SI: variants seen among roughly 807,000 people sequenced by gnomAD.
SI encodes the protein sucrase-isomaltase, also known as sucrase-isomaltase, intestinal.
A neutral mutation model predicts 253.3 loss-of-function variants in SI; 235 were observed. That is an observed-to-expected ratio of 0.93 (90% confidence interval 0.83 to 1.03). The LOEUF (loss-of-function observed/expected upper bound fraction) is 1.03, where lower values mean the gene tolerates loss of function less well. SI is among the 50% of genes least tolerant of loss of function. SI has a pLI of 0.00. For missense variants in SI, 2,442 were observed against 2,211.1 expected (o/e 1.10, Z -2.09); for synonymous variants, 819 against 712.0 (o/e 1.15, Z -2.39).
At chr3:165,044,991 T>C (rs186353042) in intron 16 of SI, among the ~76,000 whole-genome samples, 19 of 152,188 alleles carry the variant, frequency 1.2e-4, no homozygotes, top group Admixed American at 1.2e-3. Context: ...TCCATATAAA[T>C]AGTTGATACT....
At chr3:165,075,337 G>A (rs1714884553) in intron 2 of SI, among the ~76,000 whole-genome samples, 1 of 151,876 alleles carries the variant, frequency 6.6e-6, no homozygotes, top group South Asian at 2.1e-4. Context: ...GCTCAAGAGA[G>A]AATAATGAAG....
intron 40 of SI, among the ~76,000 whole-genome samples, chr3:164,994,752 C>T (rs1717933164): frequency 6.6e-6 from 1 of 151,544 alleles, no homozygotes; most frequent in Non-Finnish European, 1.5e-5. Context: ...AAATGATAGG[C>T]TATCCAAAGT....
Position 164,987,218 on chromosome 3 carries a change from T to G in SI, c.5117A>C (p.Lys1706Thr). The part of the protein sequence containing the change: ...PAQNTFYSRQ[K>T]HMKLIVAADD... ...TGCAGCAACAATGAGCTTCATGTGT[T>G]TTTGTCGACTATAAGAAAGAAATAT... The change falls in exon 45 of 48, where the codon AAA (lysine) becomes ACA (threonine). Residue 1706 changes from lysine to threonine, a missense_variant. Coordinates refer to ENST00000264382, the MANE Select transcript of SI (RefSeq NM_001041.4). 6.2e-7 allele frequency: 1 copy of G among 1,613,136 alleles called. No individual in the cohort carries two copies. The highest frequency in any genetic ancestry group is 8.5e-7 in the Non-Finnish European group (1 of 1,179,278).
At chr3:165,063,362 A>G in intron 8 of SI, 80 bp downstream of exon 8, 1 of 719,850 alleles carries the variant, frequency 1.4e-6, no homozygotes, top group South Asian at 1.6e-5. Context: ...CACATACAAT[A>G]TGAATGATTG....
intron 24 of SI, among the ~76,000 whole-genome samples, chr3:165,031,408 A>G (rs951025982): frequency 2.0e-5 from 3 of 148,574 alleles, no homozygotes; most frequent in African/African-American, 7.3e-5. Context: ...ATAGCCACAG[A>G]TAGACCTTTA....
At chr3:165,031,471 CTA>C (rs1176459251) in intron 24 of SI, among the ~76,000 whole-genome samples, 1 of 149,260 alleles carries the variant, frequency 6.7e-6, no homozygotes, top group Non-Finnish European at 1.5e-5. Flanking sequence ...CTTTTAATCT[CTA>C]TTAGAGTCAT....
At position 165,007,911 on chromosome 3, in the gene SI, C is replaced by T. The variant is rs746159907; in HGVS notation, c.4267G>A (p.Glu1423Lys). 3 of 1,541,122 alleles carry T rather than the reference C, an allele frequency of 1.9e-6. No homozygotes were observed. Among genetic ancestry groups the T allele is most frequent in the Non-Finnish European group, 2.7e-6 (3 of 1,116,766 alleles). Residue 1423 changes from glutamate to lysine, a missense_variant and splice_region_variant, in exon 36 of 48, where the codon GAA (glutamate) becomes AAA (lysine). Physicochemically the swap from Glu to Lys is moderately conservative, Grantham distance 56 (BLOSUM62 1). Coordinates refer to ENST00000264382, the MANE Select transcript of SI (RefSeq NM_001041.4). ...DELNYPPYFPELTKRTDGLHF... is the reference protein window; with the variant it reads ...DELNYPPYFPKLTKRTDGLHF... The stretch of plus-strand genomic sequence containing the variant: ...CAAAGGCATACCAACAATATTGTAC[C>T]TGGGAAATAAGGTGGATAATTTAGT...
Position 165,037,912 on chromosome 3 carries a change from G to T in SI, c.2414C>A (p.Thr805Lys), listed in dbSNP as rs758648889. The change falls in exon 21 of 48, where the codon ACA (threonine) becomes AAA (lysine). Residue 805 changes from threonine to lysine, a missense_variant. Thr to Lys is a moderately conservative substitution (Grantham distance 78). Transcript: ENST00000264382. The stretch of plus-strand genomic sequence containing the variant: ...TTTTTCATTTTACCTTGCTGTTGTT[G>T]TTACATCTGGTTCTTGAATGGGGAT... ...YIIPIQEPDV[T>K]TTASRKNPLG... 6.2e-7 allele frequency: 1 copy of T among 1,604,510 alleles called. No homozygotes were observed. The highest frequency in any genetic ancestry group is 1.3e-5 in the African/African-American group (1 of 74,730).
At chr3:164,991,656 T>A (rs1717740677) in intron 43 of SI, among the ~76,000 whole-genome samples, 179 bp from the exon 44 acceptor site, 1 of 152,132 alleles carries the variant, frequency 6.6e-6, no homozygotes, top group South Asian at 2.1e-4. Flanking sequence ...TATATATATA[T>A]CTCATAACAT....
At chr3:165,044,543 G>C (rs1350217414) in intron 16 of SI, among the ~76,000 whole-genome samples, 5 of 151,628 alleles carry the variant, frequency 3.3e-5, no homozygotes, top group African/African-American at 7.3e-5. Context: ...TTTTTATTGG[G>C]TCCCTATAGA....
At chr3:165,037,185 G>C (rs1022854660) in intron 21 of SI, among the ~76,000 whole-genome samples, 1 of 151,730 alleles carries the variant, frequency 6.6e-6, no homozygotes, top group African/African-American at 2.4e-5. Context: ...AATGCGTATC[G>C]CTAACATACT....
chr3:164,998,755 A>C (rs1718134295), intron 37 of SI, 82 bp from the exon 38 acceptor site: 3 of 1,178,402 alleles, frequency 2.5e-6, no homozygotes, highest in East Asian at 2.4e-5. Context: ...CTTTGTAAAA[A>C]AAAATAGTGA....
At chr3:165,037,420 G>A (rs1307489823) in intron 21 of SI, among the ~76,000 whole-genome samples, 1 of 151,800 alleles carries the variant, frequency 6.6e-6, no homozygotes, top group Non-Finnish European at 1.5e-5. Context: ...AAATATTTCT[G>A]AGATTTACAC....
At chr3:165,004,210 A>G (rs959618555) in intron 37 of SI, among the ~76,000 whole-genome samples, 2 of 152,204 alleles carry the variant, frequency 1.3e-5, no homozygotes, top group African/African-American at 4.8e-5. Flanking sequence ...GCTCAACATC[A>G]TCGATCATCA....
rs146006371 is a variant in SI at position 165,069,129 on chromosome 3, A to C, written c.322T>G (p.Phe108Val). The C allele has an allele frequency of 4.1e-5, 66 of 1,613,506 alleles. No individual in the cohort carries two copies. In the African/African-American group the frequency reaches 7.9e-4, roughly 19 times the overall value. ...ACGTTATAACCATGATTATCAACGAAGAAGCACCAAGGAATAAGAGAGTCA... is the reference window on the plus strand; with the variant it reads ...ACGTTATAACCATGATTATCAACGACGAAGCACCAAGGAATAAGAGAGTCA... ...WNDSLIPWCFFVDNHGYNVQD... is the reference protein window; with the variant it reads ...WNDSLIPWCFVVDNHGYNVQD... Residue 108 changes from phenylalanine (F) to valine (V), a missense_variant, in exon 4 of 48, where the codon TTC becomes GTC. Physicochemically the swap from Phe to Val is conservative, Grantham distance 50 (BLOSUM62 -1). Transcript: ENST00000264382.
intron 17 of SI, among the ~76,000 whole-genome samples, chr3:165,041,663 C>T (rs548799915): frequency 1.3e-5 from 2 of 152,206 alleles, no homozygotes; most frequent in African/African-American, 2.4e-5. Flanking sequence ...TGTAGACTTA[C>T]AATTTGTAGT....
chr3:165,040,243 G>A (rs1054940939), intron 18 of SI, among the ~76,000 whole-genome samples: 22 of 151,060 alleles, frequency 1.5e-4, no homozygotes, highest in African/African-American at 5.3e-4. Flanking sequence ...GGGGAGGGAG[G>A]ATAGGAGGAA....
At chr3:165,039,327 A>G (rs1202103278) in intron 19 of SI, among the ~76,000 whole-genome samples, 193 bp from the exon 20 acceptor site, 5 of 152,096 alleles carry the variant, frequency 3.3e-5, no homozygotes, top group Non-Finnish European at 5.9e-5. Context: ...TTAAAAAAGC[A>G]AAGAGGTAAA....
intron 14 of SI, 32 bp from the exon 15 acceptor site, chr3:165,049,276 T>C (rs1171533255): frequency 1.7e-6 from 2 of 1,177,426 alleles, no homozygotes; most frequent in Admixed American, 1.8e-5. Context: ...ACATTTCTTA[T>C]ATTTTTCCAT....
Sources: allele counts gnomAD v4.1 joint callset (sites outside exome capture counted in the v4.1 genomes callset), GRCh38; gene constraint gnomAD v4.1.1; transcripts MANE v1.5; gene names NCBI Gene and HGNC (gene_info 2026-07-23, HGNC 2026-07-21).